Variants in MAP3K19 observed in about 807,000 individuals in gnomAD.
MAP3K19 encodes the protein mitogen-activated protein kinase kinase kinase 19, also known as SPS1/STE20-related protein kinase YSK4.
In MAP3K19, 91 loss-of-function variants were observed where a neutral mutation model predicts 114.4. The observed-to-expected ratio is 0.80, with a 90% confidence interval of 0.67 to 0.95. The LOEUF (loss-of-function observed/expected upper bound fraction) is 0.95, where lower values mean the gene tolerates loss of function less well. MAP3K19 is among the 40% of genes least tolerant of loss of function. MAP3K19 has a pLI of 0.00. For missense variants in MAP3K19, 1,471 were observed against 1,573.2 expected (o/e 0.94, Z 1.10); for synonymous variants, 518 against 530.5 (o/e 0.98, Z 0.32).
rs1163640076 is a variant in MAP3K19 at position 135,025,375 on chromosome 2, TTC to T, written c.-94-636_-94-635del. On this transcript the variant is annotated intron_variant, in intron 3 of 12. Coordinates refer to ENST00000392915, the MANE Select transcript of MAP3K19 (RefSeq NM_025052.5). ...GTGCCTCTCCACATGGCCTTTTCTT[TTC>T]TTTTTTTTTTTTTTTTTTTTTTTTT... Among the ~76,000 whole-genome samples the T allele has an allele frequency of 1.6e-3, 178 of 113,242 alleles. 5 individuals carry two copies. Among genetic ancestry groups the T allele is most frequent in the African/African-American group, 6.2e-3 (123 of 19,938 alleles). The allele number at this position is 113,242 out of a possible 152,430, so 74.3% of individuals were successfully genotyped here. A position where few individuals can be genotyped will look rare whatever the true frequency, so the allele number is the denominator to read the frequency against.
intron 9 of MAP3K19, among the ~76,000 whole-genome samples, chr2:134,990,469 TTTTG>T (rs1559157256): frequency 1.3e-5 from 2 of 151,722 alleles, no homozygotes; most frequent in African/African-American, 4.8e-5. Context: ...TGTTTTTTTT[TTTTG>T]TTTGTTTGTT....
intron 5 of MAP3K19, among the ~76,000 whole-genome samples, chr2:135,013,388 A>G (rs1466584188): frequency 6.6e-6 from 1 of 151,702 alleles, no homozygotes; most frequent in African/African-American, 2.4e-5. Context: ...CCATACATGC[A>G]CAGCCTCACC....
In MAP3K19 at chr2:134,998,921, G is replaced by A. The variant is rs1020466940; in HGVS notation, c.391C>T (p.Leu131Phe). The change falls in exon 8 of 13, where the codon CTC becomes TTC. Residue 131 changes from leucine (L) to phenylalanine (F), a missense_variant. By Grantham distance (22) the Leu-to-Phe change is conservative (BLOSUM62 0). Coordinates refer to ENST00000392915, the MANE Select transcript of MAP3K19 (RefSeq NM_025052.5). The part of the protein sequence containing the change: ...SHPNEIETVE[L>F]RKKKLTMRPL... ...CGCATGGTCAGCTTCTTTTTCCTGAGCTCCACCGTTTCTATTTCATTTGGA... is the reference window on the plus strand; with the variant it reads ...CGCATGGTCAGCTTCTTTTTCCTGAACTCCACCGTTTCTATTTCATTTGGA... 2 of 1,613,982 alleles carry A rather than the reference G, an allele frequency of 1.2e-6. No homozygotes were observed. The highest frequency in any genetic ancestry group is 1.6e-4 in the Middle Eastern group (1 of 6,084).
In MAP3K19 at chr2:134,978,361, T is replaced by C. The variant is rs1483010649; in HGVS notation, c.3920+2460A>G. Among the ~76,000 whole-genome samples, 4 of 151,972 alleles carry C rather than the reference T, an allele frequency of 2.6e-5. No individual in the cohort carries two copies. In the East Asian group the frequency reaches 7.8e-4, roughly 30 times the overall value. On this transcript the variant is annotated intron_variant, in intron 12 of 12. Coordinates refer to ENST00000392915, the MANE Select transcript of MAP3K19 (RefSeq NM_025052.5). The stretch of plus-strand genomic sequence containing the variant: ...GGCACACACCACCATGCCTGGCTAA[T>C]TTTTGTATTTTTTTGTAAAGATGGG...
chr2:135,005,361 C>G, intron 6 of MAP3K19, 74 bp downstream of exon 6: 2 of 1,097,464 alleles, frequency 1.8e-6, no homozygotes, highest in South Asian at 2.5e-5. Context: ...CTACAATAAG[C>G]CCTTCTGAAA....
chr2:134,975,050 G>T (rs1251069556), intron 12 of MAP3K19, among the ~76,000 whole-genome samples: 5 of 152,200 alleles, frequency 3.3e-5, no homozygotes, highest in Admixed American at 6.5e-5. Flanking sequence ...CTGGGGATTG[G>T]TATGCCAGGT....
Position 134,964,906 on chromosome 2 carries a change from C to A in MAP3K19, c.3931G>T (p.Glu1311Ter). The A allele has an allele frequency of 1.2e-6, 2 of 1,612,540 alleles. No homozygotes were observed. The highest frequency in any genetic ancestry group is 2.2e-5 in the South Asian group (2 of 90,706). ...AGGAGCTGGAGAGCAGAAGGTCGCT[C>A]ATGCTGGTCCCTAAGAAGGGAAAAA... ...VRMCLTRDQH[E>*]RPSALQLLKH... The change falls in exon 13 of 13, where the codon GAG (glutamate) becomes TAG (stop). Residue 1311 changes from glutamate to a stop codon, truncating the protein, a stop_gained. Transcript: ENST00000392915. LOFTEE classifies it high-confidence loss of function.
rs137960882 is a variant in MAP3K19, at chr2:134,995,695, T to C, written c.574+3043A>G. Among the ~76,000 whole-genome samples the C allele has an allele frequency of 5.9e-3, 903 of 152,292 alleles. 8 individuals are homozygous for C. In the Middle Eastern group the frequency reaches 0.068, roughly 11 times the overall value. On this transcript the variant is annotated intron_variant, in intron 8 of 12. Coordinates refer to ENST00000392915, the MANE Select transcript of MAP3K19 (RefSeq NM_025052.5). ...ACAATGTCTAAAAGGAGAGGAAATG[T>C]AATCAACACACTATGGAGCTCAGCT...
At chr2:135,011,536 C>CAA (rs61361416) in intron 5 of MAP3K19, among the ~76,000 whole-genome samples, 23,168 of 78,732 alleles carry the variant, frequency 0.29, 2,841 homozygotes, top group Middle Eastern at 0.48. Context: ...GACTCTGTCT[C>CAA]AAAAAAAAAA....
chr2:135,021,762 CTG>C lies in MAP3K19; in HGVS notation c.89_90del (p.Thr30SerfsTer16). On this transcript the variant is annotated frameshift_variant, in exon 5 of 13. Coordinates refer to ENST00000392915, the MANE Select transcript of MAP3K19 (RefSeq NM_025052.5). LOFTEE classifies it high-confidence loss of function. The part of the protein sequence containing the change: ...DTNSSPTDLM[T>X]VTKNQNIILQ... ...AAGATGATGTTTTGATTTTTGGTAACTGTCATCAAATCAGTTGGAGAAGAGTT... is the reference window on the plus strand; with the variant it reads ...AAGATGATGTTTTGATTTTTGGTAACTCATCAAATCAGTTGGAGAAGAGTT... 7.4e-6 allele frequency: 12 copies of C among 1,612,914 alleles called. No individual in the cohort carries two copies. The highest frequency in any genetic ancestry group is 1.0e-5 in the Non-Finnish European group (12 of 1,179,582).
chr2:135,022,845 G>A (rs1574043021), intron 4 of MAP3K19, among the ~76,000 whole-genome samples: 1 of 152,138 alleles, frequency 6.6e-6, no homozygotes, highest in East Asian at 1.9e-4. Flanking sequence ...AATCACATTT[G>A]CTCTATAGTT....
chr2:135,017,276 G>A (rs1020462448), intron 5 of MAP3K19, among the ~76,000 whole-genome samples: 4 of 152,118 alleles, frequency 2.6e-5, no homozygotes, highest in Admixed American at 1.3e-4. Context: ...TGTCAGTATC[G>A]GTAGGTTTAT....
At chr2:135,016,907 C>T (rs1278282689) in intron 5 of MAP3K19, among the ~76,000 whole-genome samples, 6 of 152,124 alleles carry the variant, frequency 3.9e-5, no homozygotes, top group Non-Finnish European at 8.8e-5. Context: ...TAGTCACTGT[C>T]CTGCAATGAT....
chr2:134,968,671 G>A (rs1220767356), intron 12 of MAP3K19, among the ~76,000 whole-genome samples: 3 of 151,460 alleles, frequency 2.0e-5, no homozygotes, highest in Non-Finnish European at 2.9e-5. Flanking sequence ...CCTCCCAGAC[G>A]GGGTCGCGGC....
chr2:135,000,736 T>C (rs984858970), intron 6 of MAP3K19, among the ~76,000 whole-genome samples: 2 of 152,190 alleles, frequency 1.3e-5, no homozygotes, highest in Admixed American at 6.5e-5. Context: ...CAAGTGGTGA[T>C]GTGGGAGCAG....
chr2:135,004,822 C>G (rs1377249166), intron 6 of MAP3K19, among the ~76,000 whole-genome samples: 1 of 152,114 alleles, frequency 6.6e-6, no homozygotes, highest in Admixed American at 6.5e-5. Context: ...TTTCAGGTCT[C>G]GTACACTCCC....
chr2:135,030,360 A>T lies in MAP3K19; in HGVS notation c.-143T>A, dbSNP rs897451181. The T allele has an allele frequency of 1.3e-5, 2 of 152,648 alleles. No homozygotes were observed. Among genetic ancestry groups the T allele is most frequent in the Non-Finnish European group, 2.9e-5 (2 of 68,038 alleles). 9.5% of individuals were successfully genotyped at this position (152,648 alleles called of 1,614,324 possible). A position where few individuals can be genotyped will look rare whatever the true frequency, so the allele number is the denominator to read the frequency against. ...GATCACCTTGCCATGAACTTTGTAGAAGTTGCATTTGGGGAGCCTGGATTC... is the reference window on the plus strand; with the variant it reads ...GATCACCTTGCCATGAACTTTGTAGTAGTTGCATTTGGGGAGCCTGGATTC... On this transcript the variant is annotated 5_prime_UTR_variant, in exon 3 of 13. Transcript: ENST00000392915.
intron 3 of MAP3K19, among the ~76,000 whole-genome samples, chr2:135,029,402 A>C (rs1558742990): frequency 3.9e-5 from 6 of 152,142 alleles, no homozygotes. Context: ...AAACAAAAAA[A>C]CATTAGATTA....
chr2:134,977,592 G>C (rs1256885733), intron 12 of MAP3K19, among the ~76,000 whole-genome samples: 3 of 151,970 alleles, frequency 2.0e-5, no homozygotes, highest in Non-Finnish European at 4.4e-5. Context: ...TTGATCTCCT[G>C]ACCTCGTGAT....
Sources: allele counts gnomAD v4.1 joint callset (sites outside exome capture counted in the v4.1 genomes callset), GRCh38; gene constraint gnomAD v4.1.1; transcripts MANE v1.5; gene names NCBI Gene and HGNC (gene_info 2026-07-23, HGNC 2026-07-21).